The following ZBTB7C variants were observed in gnomAD, a reference collection of about 807,000 sequenced individuals.
The protein encoded by ZBTB7C is zinc finger and BTB domain containing 7C.
ZBTB7C carries 8 observed loss-of-function variants against 25.7 expected under a neutral mutation model. The ratio of observed to expected loss-of-function variants is 0.31; its 90% CI spans 0.18 to 0.56. The LOEUF is 0.56. ZBTB7C is among the 20% of genes least tolerant of loss of function. The pLI is 0.91. For missense variants in ZBTB7C, 824 were observed against 855.2 expected (o/e 0.96, Z 0.46); for synonymous variants, 394 against 369.0 (o/e 1.07, Z -0.78).
chr18:48,249,129 G>C (rs2043776097), intron 2 of ZBTB7C, among the ~76,000 whole-genome samples: 1 of 152,222 alleles, frequency 6.6e-6, no homozygotes, highest in Non-Finnish European at 1.5e-5. Context: ...TGCTATTGAA[G>C]TGGAGAAAAA....
rs775753682 is a variant in ZBTB7C at position 48,029,666 on chromosome 18, G to C, written c.1454C>G (p.Ala485Gly). The C allele has an allele frequency of 1.3e-6, 2 of 1,564,982 alleles. No individual in the cohort carries two copies. The highest frequency in any genetic ancestry group is 1.7e-6 in the Non-Finnish European group (2 of 1,162,028). ...GAAGAGCAGGCTGGCGGCCCTCCAC[G>C]CAGCAGGCTTGCGGCCGCGTCGGGG... ...ARPRRGRKPA[A>G]WRAASLLFGP... Residue 485 changes from alanine to glycine, a missense_variant, in exon 5 of 5, where the codon GCG becomes GGG. Physicochemically the swap from Ala to Gly is moderately conservative, Grantham distance 60. Transcript: ENST00000590800.
chr18:48,128,835 A>G (rs2039891946), intron 3 of ZBTB7C, among the ~76,000 whole-genome samples: 2 of 151,738 alleles, frequency 1.3e-5, no homozygotes, highest in Non-Finnish European at 2.9e-5. Context: ...ACCAAAAACC[A>G]CTTGTACCCT....
chr18:48,388,707 C>A (rs2047807983), intron 1 of ZBTB7C, among the ~76,000 whole-genome samples: 1 of 152,138 alleles, frequency 6.6e-6, no homozygotes, highest in Non-Finnish European at 1.5e-5. Context: ...CATGATTGCA[C>A]CACTGCCCTC....
chr18:48,345,724 C>A (rs2046714508), intron 1 of ZBTB7C, among the ~76,000 whole-genome samples: 1 of 152,228 alleles, frequency 6.6e-6, no homozygotes, highest in Non-Finnish European at 1.5e-5. Flanking sequence ...CAGCCCCAGT[C>A]TGGCTGATCC....
intron 2 of ZBTB7C, among the ~76,000 whole-genome samples, chr18:48,256,945 T>A (rs1171129810): frequency 6.6e-6 from 1 of 151,264 alleles, no homozygotes; most frequent in Non-Finnish European, 1.5e-5. Context: ...AGAGGAAAAA[T>A]TGAACAAATA....
intron 3 of ZBTB7C, among the ~76,000 whole-genome samples, chr18:48,164,113 TA>T (rs2041161052): frequency 6.6e-6 from 1 of 152,148 alleles, no homozygotes; most frequent in Non-Finnish European, 1.5e-5. Context: ...CAAATTAAAT[TA>T]ATTGATTTTA....
At chr18:48,243,692 A>G (rs2043595669) in intron 2 of ZBTB7C, among the ~76,000 whole-genome samples, 1 of 152,238 alleles carries the variant, frequency 6.6e-6, no homozygotes, top group Non-Finnish European at 1.5e-5. Flanking sequence ...TTCATATGGA[A>G]CTAAAAAAGA....
intron 1 of ZBTB7C, among the ~76,000 whole-genome samples, chr18:48,372,807 C>G (rs2047418741): frequency 6.6e-6 from 1 of 152,100 alleles, no homozygotes; most frequent in African/African-American, 2.4e-5. Context: ...GCACCATGCC[C>G]CCTCCCACCT....
chr18:48,311,052 C>T (rs945187842), intron 2 of ZBTB7C, among the ~76,000 whole-genome samples: 7 of 152,196 alleles, frequency 4.6e-5, no homozygotes, highest in Non-Finnish European at 1.0e-4. Context: ...TGGAGGGATT[C>T]CTGGCCCCTG....
At position 48,284,747 on chromosome 18, in the gene ZBTB7C, T is replaced by C. The variant is rs181673756; in HGVS notation, c.-79+53427A>G. On this transcript the variant is annotated intron_variant, in intron 2 of 4. Transcript: ENST00000590800. ...CAGAGGTTGCAGTGAGCCAAGATCG[T>C]ACCACAGCACTCCAGCCTAGGAAAC... 3.6e-5 allele frequency among the ~76,000 whole-genome samples: 5 copies of C among 139,096 alleles called. No individual in the cohort carries two copies. The Admixed American group carries it at 4.0e-4, about 11-fold the overall frequency. The allele number at this position is 139,096 out of a possible 152,430, so 91.3% of individuals were successfully genotyped here. A position where few individuals can be genotyped will look rare whatever the true frequency, so the allele number is the denominator to read the frequency against.
intron 3 of ZBTB7C, among the ~76,000 whole-genome samples, chr18:48,128,201 G>A (rs1345073556): frequency 3.3e-5 from 5 of 152,154 alleles, no homozygotes; most frequent in African/African-American, 4.8e-5. Flanking sequence ...ACTGCTCCCC[G>A]CAAGGTGCCC....
chr18:48,128,738 A>C (rs1057306523), intron 3 of ZBTB7C, among the ~76,000 whole-genome samples: 4 of 152,232 alleles, frequency 2.6e-5, no homozygotes, highest in Admixed American at 6.5e-5. Context: ...GGGACAAAAA[A>C]AACTACATAT....
At chr18:48,049,025 G>A (rs2036582469) in intron 3 of ZBTB7C, among the ~76,000 whole-genome samples, 1 of 152,170 alleles carries the variant, frequency 6.6e-6, no homozygotes, top group East Asian at 1.9e-4. Flanking sequence ...TATGCCTAGT[G>A]TTCCATTATT....
intron 3 of ZBTB7C, among the ~76,000 whole-genome samples, chr18:48,144,536 G>C (rs971128710): frequency 6.6e-6 from 1 of 152,006 alleles, no homozygotes; most frequent in Admixed American, 6.5e-5. Context: ...GGTAGAGACA[G>C]GGTTTTGTTA....
intron 1 of ZBTB7C, among the ~76,000 whole-genome samples, chr18:48,361,097 G>A (rs1044159651): frequency 6.6e-6 from 1 of 152,140 alleles, no homozygotes; most frequent in Non-Finnish European, 1.5e-5. Flanking sequence ...TCTGCAATGA[G>A]CATGGTGGGG....
At chr18:48,188,185 G>A (rs2042109672) in intron 2 of ZBTB7C, among the ~76,000 whole-genome samples, 1 of 152,168 alleles carries the variant, frequency 6.6e-6, no homozygotes, top group Non-Finnish European at 1.5e-5. Flanking sequence ...GTGTGACTGG[G>A]CCAGGGAGCC....
In ZBTB7C at chr18:48,287,573, A is replaced by T. The variant is rs533508587; in HGVS notation, c.-79+50601T>A. 4.6e-5 allele frequency among the ~76,000 whole-genome samples: 7 copies of T among 152,348 alleles called. No homozygotes were observed. The East Asian group carries it at 1.3e-3, about 29-fold the overall frequency. On this transcript the variant is annotated intron_variant, in intron 2 of 4. Coordinates refer to ENST00000590800, the MANE Select transcript of ZBTB7C (RefSeq NM_001318841.2). ...AGACTACTTTGTAACCCATTTTGTAAGGTGAATAAAGACTTCAAGCCAGTG... is the reference window on the plus strand; with the variant it reads ...AGACTACTTTGTAACCCATTTTGTATGGTGAATAAAGACTTCAAGCCAGTG...
intron 1 of ZBTB7C, among the ~76,000 whole-genome samples, chr18:48,375,171 T>C (rs190694427): frequency 6.6e-6 from 1 of 152,282 alleles, no homozygotes; most frequent in Admixed American, 6.5e-5. Flanking sequence ...ACCCTACTTA[T>C]AGTCTTTTGT....
upstream of ZBTB7C, among the ~76,000 whole-genome samples, chr18:48,410,242 C>T (rs2048368277): frequency 6.6e-6 from 1 of 152,032 alleles, no homozygotes; most frequent in Non-Finnish European, 1.5e-5. Context: ...CCCCGGGGCG[C>T]CGAATCTCAG....
Sources: allele counts gnomAD v4.1 joint callset (sites outside exome capture counted in the v4.1 genomes callset), GRCh38; gene constraint gnomAD v4.1.1; transcripts MANE v1.5; gene names NCBI Gene and HGNC (gene_info 2026-07-23, HGNC 2026-07-21).